The following KIAA1217 variants were observed in gnomAD, a reference collection of about 807,000 sequenced individuals.
KIAA1217 encodes the protein sickle tail protein homolog.
Under a neutral mutation model 163.9 loss-of-function variants are expected in KIAA1217, and 88 were observed. The ratio of observed to expected loss-of-function variants is 0.54; its 90% confidence interval spans 0.45 to 0.64. The LOEUF is 0.64. KIAA1217 is among the 30% of genes least tolerant of loss of function. The pLI, the probability that KIAA1217 is intolerant of heterozygous loss-of-function variation, is 0.00. For synonymous variants in KIAA1217, 903 were observed against 923.1 expected, an observed-to-expected ratio of 0.98 and a Z score of 0.39; for missense variants, 2,372 against 2,475.0, an observed-to-expected ratio of 0.96 and a Z score of 0.88.
intron 2 of KIAA1217, among the ~76,000 whole-genome samples, chr10:24,331,470 G>A (rs2045659428): frequency 6.6e-6 from 1 of 152,208 alleles, no homozygotes; most frequent in Admixed American, 6.5e-5. Context: ...AGATTAAATA[G>A]ACGAAGTCAC....
intron 6 of KIAA1217, among the ~76,000 whole-genome samples, chr10:24,484,884 G>A (rs1367104630): frequency 2.0e-5 from 3 of 152,116 alleles, no homozygotes; most frequent in African/African-American, 7.2e-5. Context: ...CCTTATTCCT[G>A]ACTTGGGGCT....
Position 24,088,229 on chromosome 10 carries a change from C to A in KIAA1217, c.-171+80855C>A, listed in dbSNP as rs2061773132. On this transcript the variant is annotated intron_variant, in intron 2 of 18. Coordinates refer to the KIAA1217 transcript ENST00000376462. ...CTCAAGGAACATCCCAAACTTGTGT[C>A]CTCCCAGGCTCTGTTTTTTTAATAT... Among the ~76,000 whole-genome samples, 2 of 105,216 alleles carry A rather than the reference C, an allele frequency of 1.9e-5. 1 individual carries two copies. The highest frequency in any genetic ancestry group is 6.7e-5 in the African/African-American group (2 of 29,712). 69.0% of individuals were successfully genotyped at this position (105,216 alleles called of 152,430 possible).
intron 2 of KIAA1217, among the ~76,000 whole-genome samples, chr10:24,364,756 T>G (rs965006419): frequency 3.9e-5 from 6 of 151,980 alleles, no homozygotes; most frequent in East Asian, 1.9e-4. Flanking sequence ...CTGCCTGCCT[T>G]CCTTCCTTTC....
At chr10:24,194,161 T>G (rs2066865650) in intron 2 of KIAA1217, among the ~76,000 whole-genome samples, 1 of 152,094 alleles carries the variant, frequency 6.6e-6, no homozygotes, top group African/African-American at 2.4e-5. Flanking sequence ...CACTCCAGCC[T>G]GGGTGACAGA....
rs1462315417 is a variant in KIAA1217, at chr10:24,543,083, T to C, written c.3813T>C (p.Ser1271=). Residue 1271 remains serine (S), a synonymous_variant, in exon 19 of 21, where the codon TCT becomes TCC. Coordinates refer to ENST00000376454, the MANE Select transcript of KIAA1217 (RefSeq NM_019590.5). The part of the protein sequence containing the change: ...ETVPKASFGF[S]GISPLEDEIN... ...TGCCTAAGGCCAGTTTCGGTTTCTCTGGCATTAGTCCATTAGAAGATGAAA... is the reference window on the plus strand; with the variant it reads ...TGCCTAAGGCCAGTTTCGGTTTCTCCGGCATTAGTCCATTAGAAGATGAAA... The C allele has an allele frequency of 2.5e-6, 4 of 1,613,744 alleles. No individual in the cohort carries two copies. Among genetic ancestry groups the C allele is most frequent in the East Asian group, 2.2e-5 (1 of 44,874 alleles).
At chr10:23,731,486 G>T (rs971866028) in intron 1 of KIAA1217, among the ~76,000 whole-genome samples, 2 of 152,070 alleles carry the variant, frequency 1.3e-5, no homozygotes, top group East Asian at 3.9e-4. Flanking sequence ...TCTCTTATCC[G>T]GTGAAAAAGG....
At chr10:23,815,849 G>A (rs1056036568) in intron 1 of KIAA1217, among the ~76,000 whole-genome samples, 1 of 152,100 alleles carries the variant, frequency 6.6e-6, no homozygotes, top group African/African-American at 2.4e-5. Flanking sequence ...GTCTTTAGTG[G>A]AGTCGATTCT....
intron 16 of KIAA1217, 90 bp downstream of exon 16, chr10:24,533,327 C>A: frequency 7.6e-7 from 1 of 1,307,716 alleles, no homozygotes; most frequent in Non-Finnish European, 1.0e-6. Flanking sequence ...GCGAGAAGGC[C>A]AGGGAAGCGC....
intron 1 of KIAA1217, among the ~76,000 whole-genome samples, chr10:23,885,459 C>G (rs1037038606): frequency 1.3e-5 from 2 of 151,902 alleles, no homozygotes; most frequent in Admixed American, 1.3e-4. Flanking sequence ...GGGAAACTGA[C>G]AGAGAGTAGA....
At chr10:23,890,668 C>A (rs1271975178) in intron 1 of KIAA1217, among the ~76,000 whole-genome samples, 1 of 151,914 alleles carries the variant, frequency 6.6e-6, no homozygotes, top group African/African-American at 2.4e-5. Flanking sequence ...CTTTGGCATA[C>A]AGCCTATATT....
At chr10:24,249,814 G>C (rs2074267434) in intron 2 of KIAA1217, among the ~76,000 whole-genome samples, 1 of 152,136 alleles carries the variant, frequency 6.6e-6, no homozygotes, top group South Asian at 2.1e-4. Context: ...TAGACAACAG[G>C]AGTGGAGATT....
rs566191348 is a variant in KIAA1217 at position 24,449,615 on chromosome 10, A to G, written c.846+11136A>G. 84 of 985,442 alleles carry G rather than the reference A, an allele frequency of 8.5e-5. No homozygotes were observed. In the African/African-American group the frequency reaches 1.1e-3, roughly 13 times the overall value. 61.0% of individuals were successfully genotyped at this position (985,442 alleles called of 1,614,324 possible). A position where few individuals can be genotyped will look rare whatever the true frequency, so the allele number is the denominator to read the frequency against. On this transcript the variant is annotated intron_variant, in intron 5 of 20. Coordinates refer to ENST00000376454, the MANE Select transcript of KIAA1217 (RefSeq NM_019590.5). ...CTCCTTTAAACCACATATTTTGACT[A>G]AAAGCTTCCTTCTGTAAAAAACCCA...
intron 5 of KIAA1217, among the ~76,000 whole-genome samples, chr10:24,441,442 A>T (rs2060489910): frequency 6.6e-6 from 1 of 152,152 alleles, no homozygotes; most frequent in Admixed American, 6.5e-5. Flanking sequence ...GAAAATGTAA[A>T]ACTCTCCATC....
chr10:24,454,440 C>G (rs1291216946), intron 5 of KIAA1217, among the ~76,000 whole-genome samples: 1 of 152,224 alleles, frequency 6.6e-6, no homozygotes, highest in Non-Finnish European at 1.5e-5. Flanking sequence ...CTCTTTGAAA[C>G]TGTTCCTTTT....
chr10:24,281,344 T>C (rs758252178), intron 2 of KIAA1217, among the ~76,000 whole-genome samples: 7 of 152,210 alleles, frequency 4.6e-5, no homozygotes, highest in Non-Finnish European at 7.3e-5. Flanking sequence ...ATCAGAATTG[T>C]TAACCCATGC....
At chr10:24,329,329 T>C (rs1317097764) in intron 2 of KIAA1217, among the ~76,000 whole-genome samples, 1 of 150,804 alleles carries the variant, frequency 6.6e-6, no homozygotes, top group Non-Finnish European at 1.5e-5. Context: ...TACTATATTA[T>C]ACATAGTGTA....
chr10:24,012,009 A>C (rs1847255845), intron 2 of KIAA1217, among the ~76,000 whole-genome samples: 1 of 152,168 alleles, frequency 6.6e-6, no homozygotes, highest in Admixed American at 6.6e-5. Flanking sequence ...ACCAAGGAAA[A>C]ATAAAAGGAA....
chr10:24,192,693 C>T (rs2066782324), intron 2 of KIAA1217, among the ~76,000 whole-genome samples: 1 of 152,238 alleles, frequency 6.6e-6, no homozygotes, highest in South Asian at 2.1e-4. Flanking sequence ...ACCCAATTCA[C>T]TCTGCATGTG....
chr10:24,086,194 A>T (rs1034872941), intron 2 of KIAA1217, among the ~76,000 whole-genome samples: 19 of 152,136 alleles, frequency 1.2e-4, no homozygotes, highest in Non-Finnish European at 2.8e-4. Context: ...ATTACTAAAA[A>T]CAGGGTGGAA....
Sources: gnomAD v4.1 joint callset for allele counts (sites outside exome capture counted in the v4.1 genomes callset) on GRCh38, gnomAD v4.1.1 for gene constraint, MANE v1.5 for transcripts, NCBI Gene and HGNC (gene_info 2026-07-23, HGNC 2026-07-21) for gene names.